Variants in TOLLIP observed in about 807,000 individuals in gnomAD.
TOLLIP encodes the protein toll-interacting protein.
TOLLIP carries 16 observed loss-of-function variants against 33.5 expected under a neutral mutation model. The observed-to-expected ratio is 0.48, with a 90% CI of 0.32 to 0.72. The LOEUF (loss-of-function observed/expected upper bound fraction) is 0.72, where lower values mean the gene tolerates loss of function less well. Ranked by LOEUF, TOLLIP falls within the 30% of genes least tolerant of loss-of-function variation. TOLLIP has a pLI of 0.03. For missense variants in TOLLIP, 325 were observed against 396.6 expected, an observed-to-expected ratio of 0.82 and a Z score of 1.53; for synonymous variants, 176 against 163.7, an observed-to-expected ratio of 1.07 and a Z score of -0.57.
At chr11:1,295,914 G>A in intron 1 of TOLLIP, 120 bp from the exon 2 acceptor site, 1 of 1,288,292 alleles carries the variant, frequency 7.8e-7, no homozygotes, top group Non-Finnish European at 1.0e-6. Flanking sequence ...TCAAGTCCTG[G>A]ACTGTGCTCA....
chr11:1,285,904 C>T, intron 5 of TOLLIP, 98 bp downstream of exon 5: 3 of 847,102 alleles, frequency 3.5e-6, no homozygotes, highest in Non-Finnish European at 5.5e-6. Context: ...ATGACGTCCC[C>T]ACCCCGGCGC....
intron 5 of TOLLIP, among the ~76,000 whole-genome samples, chr11:1,284,733 C>T (rs1863630006): frequency 6.6e-6 from 1 of 152,208 alleles, no homozygotes; most frequent in Non-Finnish European, 1.5e-5. Context: ...AGAAAGGCAG[C>T]CCTGGCACCT....
At chr11:1,302,471 C>A in intron 1 of TOLLIP, 2 of 697,200 alleles carry the variant, frequency 2.9e-6, no homozygotes, top group African/African-American at 3.9e-5. Flanking sequence ...GTAAGTTTAG[C>A]ATTTTCCAAA....
At position 1,277,931 on chromosome 11, in the gene TOLLIP, T is replaced by C. The variant is rs1863363802; in HGVS notation, c.611-678A>G. On this transcript the variant is annotated intron_variant, in intron 5 of 5. Coordinates refer to ENST00000317204, the MANE Select transcript of TOLLIP (RefSeq NM_019009.4). This position sits in a 1 kb window ranked among gnomAD's most constrained non-coding sequence, Gnocchi z 4.2. ...GTGGGGCAGCAGGTGCGGTGTACAG[T>C]GGACCCTCAGTGCACTGGGGCCACC... Among the ~76,000 whole-genome samples, 1 of 152,128 alleles carries C rather than the reference T, an allele frequency of 6.6e-6. No homozygotes were observed.
At chr11:1,308,036 C>T (rs1000040467) in intron 1 of TOLLIP, among the ~76,000 whole-genome samples, 3 of 152,202 alleles carry the variant, frequency 2.0e-5, no homozygotes, top group African/African-American at 4.8e-5. Context: ...CTTGGAGCAT[C>T]GTGAAAAAGG....
At chr11:1,281,130 G>A (rs1159728064) in intron 5 of TOLLIP, among the ~76,000 whole-genome samples, 3 of 152,144 alleles carry the variant, frequency 2.0e-5, no homozygotes, top group Non-Finnish European at 2.9e-5. Context: ...TGCCTACCAC[G>A]AATTATTTGA....
chr11:1,297,025 C>A (rs1235995172), intron 1 of TOLLIP, among the ~76,000 whole-genome samples: 1 of 145,676 alleles, frequency 6.9e-6, no homozygotes, highest in Non-Finnish European at 1.5e-5. Flanking sequence ...GGGGTGGAGG[C>A]CTGGTTGCTG....
intron 5 of TOLLIP, among the ~76,000 whole-genome samples, chr11:1,279,951 G>A (rs918535143): frequency 1.1e-4 from 16 of 152,192 alleles, no homozygotes; most frequent in African/African-American, 3.6e-4. Flanking sequence ...GGGGACGACC[G>A]TCCAGCTCAG....
chr11:1,291,693 C>G (rs1195818683), intron 2 of TOLLIP: 2 of 167,516 alleles, frequency 1.2e-5, no homozygotes, highest in Non-Finnish European at 2.6e-5. Context: ...AGGGCACGGC[C>G]GCCCCGTCCT....
chr11:1,301,641 C>A (rs1342997262), intron 1 of TOLLIP, among the ~76,000 whole-genome samples: 1 of 152,166 alleles, frequency 6.6e-6, no homozygotes, highest in Admixed American at 6.5e-5. Flanking sequence ...TGAGAACAAG[C>A]GTCAAGGACT....
intron 1 of TOLLIP, among the ~76,000 whole-genome samples, chr11:1,306,711 G>T (rs1864431750): frequency 1.3e-5 from 2 of 151,902 alleles, no homozygotes; most frequent in African/African-American, 4.8e-5. Flanking sequence ...CGTGTGCCAG[G>T]CAACACTTTA....
At chr11:1,279,865 C>G (rs1273963277) in intron 5 of TOLLIP, among the ~76,000 whole-genome samples, 1 of 152,184 alleles carries the variant, frequency 6.6e-6, no homozygotes, top group African/African-American at 2.4e-5. Context: ...AGCATCAGCC[C>G]TGCTCAGGCT....
intron 1 of TOLLIP, chr11:1,302,809 T>C (rs1864321764): frequency 4.1e-6 from 4 of 984,886 alleles, no homozygotes; most frequent in African/African-American, 1.7e-5. Flanking sequence ...AGTGGTGACT[T>C]TGTCCCCAGT....
chr11:1,292,453 A>C (rs1194783069), intron 2 of TOLLIP, among the ~76,000 whole-genome samples: 1 of 152,110 alleles, frequency 6.6e-6, no homozygotes, highest in Non-Finnish European at 1.5e-5. Flanking sequence ...CTCACATTGG[A>C]TCCTGCCTGC....
At chr11:1,283,574 G>A (rs1350426595) in intron 5 of TOLLIP, 2 of 456,090 alleles carry the variant, frequency 4.4e-6, no homozygotes, top group Admixed American at 4.7e-5. Flanking sequence ...ATGAAGTGCG[G>A]GGCTGTTCCA....
chr11:1,307,226 G>A (rs955487681), intron 1 of TOLLIP, among the ~76,000 whole-genome samples: 3 of 152,296 alleles, frequency 2.0e-5, no homozygotes, highest in African/African-American at 7.2e-5. Context: ...TGGCAGCTCC[G>A]AGCCAGACCT....
chr11:1,283,505 G>C, intron 5 of TOLLIP: 2 of 455,836 alleles, frequency 4.4e-6, no homozygotes, highest in Non-Finnish European at 8.8e-6. Flanking sequence ...TGGGGCGTCA[G>C]GTGGACGAGT....
chr11:1,295,491 G>A, intron 2 of TOLLIP, 154 bp downstream of exon 2: 1 of 1,006,442 alleles, frequency 9.9e-7, no homozygotes, highest in South Asian at 1.7e-5. Flanking sequence ...CTTTCACACA[G>A]ATCGTTTTCA....
chr11:1,295,481 C>T (rs1012391462), intron 2 of TOLLIP, 164 bp downstream of exon 2: 1 of 954,792 alleles, frequency 1.0e-6, no homozygotes, highest in Non-Finnish European at 1.5e-6. Context: ...ATGCCAATAT[C>T]TTTCACACAG....
Sources: allele counts gnomAD v4.1 joint callset (sites outside exome capture counted in the v4.1 genomes callset), GRCh38; gene constraint gnomAD v4.1.1; non-coding constraint Gnocchi (gnomAD v3.1); transcripts MANE v1.5; gene names NCBI Gene and HGNC (gene_info 2026-07-23, HGNC 2026-07-21).